Variants in NXPH2 observed in about 807,000 individuals in gnomAD.
The protein encoded by NXPH2 is neurexophilin 2, also known as neurexophilin-2.
A neutral mutation model predicts 19.8 loss-of-function variants in NXPH2; 5 were observed. The ratio of observed to expected loss-of-function variants is 0.25; its 90% CI spans 0.13 to 0.53. The LOEUF (loss-of-function observed/expected upper bound fraction) is 0.53. Ranked by LOEUF, NXPH2 falls within the 20% of genes least tolerant of loss-of-function variation. The pLI is 0.96. For missense variants in NXPH2, 289 were observed against 322.8 expected (o/e 0.90, Z 0.80); for synonymous variants, 154 against 127.4 (o/e 1.21, Z -1.41).
At chr2:138,687,170 C>G (rs1680671286) in intron 1 of NXPH2, among the ~76,000 whole-genome samples, 1 of 152,218 alleles carries the variant, frequency 6.6e-6, no homozygotes, top group Non-Finnish European at 1.5e-5. Flanking sequence ...GTCCCACCAA[C>G]AGTGTAAAAA....
chr2:138,743,220 T>G (rs918677405), intron 1 of NXPH2, among the ~76,000 whole-genome samples: 18 of 152,250 alleles, frequency 1.2e-4, no homozygotes, highest in Middle Eastern at 3.4e-3. Flanking sequence ...ACAAGTTATC[T>G]CTGGAAGTCA....
Position 138,780,310 on chromosome 2 carries a change from G to A in NXPH2, c.-69C>T, listed in dbSNP as rs887216148. ...TGCCTCTCGCGCATCTCCACTTCGC[G>A]GGGCAGGACTGAGGACGCCAGGGAC... On this transcript the variant is annotated 5_prime_UTR_variant, in exon 1 of 2. Coordinates refer to ENST00000272641, the MANE Select transcript of NXPH2 (RefSeq NM_007226.3). 14 of 1,302,492 alleles carry A rather than the reference G, an allele frequency of 1.1e-5. No individual in the cohort carries two copies. Among genetic ancestry groups the A allele is most frequent in the African/African-American group, 1.6e-5 (1 of 63,656 alleles). 80.7% of individuals were successfully genotyped at this position (1,302,492 alleles called of 1,614,324 possible).
At chr2:138,752,238 T>C (rs920743184) in intron 1 of NXPH2, among the ~76,000 whole-genome samples, 4 of 152,224 alleles carry the variant, frequency 2.6e-5, no homozygotes, top group Non-Finnish European at 2.9e-5. Flanking sequence ...TCCTTATCCC[T>C]AGATTGAAAG....
At chr2:138,779,773 C>A (rs1573988379) in intron 1 of NXPH2, among the ~76,000 whole-genome samples, 1 of 152,308 alleles carries the variant, frequency 6.6e-6, no homozygotes, top group East Asian at 1.9e-4. Context: ...CTGTGTGCAT[C>A]TGGGCAAAAC....
chr2:138,688,269 C>T lies in NXPH2; in HGVS notation c.52-16604G>A, dbSNP rs1052766371. 7.9e-5 allele frequency among the ~76,000 whole-genome samples: 12 copies of T among 152,144 alleles called. 1 individual carries two copies. The highest frequency in any genetic ancestry group is 1.5e-4 in the Non-Finnish European group (10 of 68,024). ...CACAATCTCAGGTCACTGCAACCTCCGCCTTCCGGGTTCAAGCCATTCTCC... is the reference window on the plus strand; with the variant it reads ...CACAATCTCAGGTCACTGCAACCTCTGCCTTCCGGGTTCAAGCCATTCTCC... On this transcript the variant is annotated intron_variant, in intron 1 of 1. Transcript: ENST00000272641.
rs144722479 is a variant in NXPH2 at position 138,758,653 on chromosome 2, A to G, written c.51+21538T>C. ...TTAGTTTGTCAAGTTATATGCTTGC[A>G]TTTGCAAATTTCCAGCTCTCAAAAT... is the stretch of plus-strand genomic sequence containing the variant. On this transcript the variant is annotated intron_variant, in intron 1 of 1. Transcript: ENST00000272641. Among the ~76,000 whole-genome samples, 710 of 152,294 alleles carry G rather than the reference A, an allele frequency of 4.7e-3. 19 individuals carry two copies. The highest frequency in any genetic ancestry group is 0.032 in the Admixed American group (484 of 15,290).
In NXPH2 at chr2:138,669,597, G is replaced by T. The variant is rs1052611579; in HGVS notation, c.*1325C>A. Among the ~76,000 whole-genome samples the T allele has an allele frequency of 1.3e-5, 2 of 152,120 alleles. No homozygotes were observed. Among genetic ancestry groups the T allele is most frequent in the African/African-American group, 4.8e-5 (2 of 41,412 alleles). On this transcript the variant is annotated 3_prime_UTR_variant, in exon 2 of 2. Coordinates refer to ENST00000272641, the MANE Select transcript of NXPH2 (RefSeq NM_007226.3). The stretch of plus-strand genomic sequence containing the variant: ...GTTTTACTTTAATTAATATTTTACA[G>T]ATAAGAAGGGAGAAAGAAGTTAACA...
Position 138,671,489 on chromosome 2 carries a change from G to A in NXPH2, c.228C>T (p.Ser76=). The change falls in exon 2 of 2, where the codon AGC becomes AGT. Residue 76 remains serine, a synonymous_variant. Coordinates refer to ENST00000272641, the MANE Select transcript of NXPH2 (RefSeq NM_007226.3). Reference sequence around the variant, plus strand: ...CCAGCCAATCCCAAAAGTTTTCCATGCTGTCTGCGTACGCCATGGGGCCGG... The same window carrying A: ...CCAGCCAATCCCAAAAGTTTTCCATACTGTCTGCGTACGCCATGGGGCCGG... ...PKPGPMAYAD[S]MENFWDWLAN... is the part of the protein sequence containing the mutation. 6.2e-7 allele frequency: 1 copy of A among 1,613,940 alleles called. No individual in the cohort carries two copies. The highest frequency in any genetic ancestry group is 8.5e-7 in the Non-Finnish European group (1 of 1,179,850).
At chr2:138,671,772 T>C in intron 1 of NXPH2, 107 bp from the exon 2 acceptor site, 2 of 1,163,582 alleles carry the variant, frequency 1.7e-6, no homozygotes, top group South Asian at 3.5e-5. Flanking sequence ...GTTTAGATTC[T>C]TGTTCGACAG....
intron 1 of NXPH2, among the ~76,000 whole-genome samples, chr2:138,682,086 T>A (rs1439690890): frequency 6.6e-6 from 1 of 152,138 alleles, no homozygotes; most frequent in East Asian, 1.9e-4. Flanking sequence ...GACAGTACTG[T>A]CCTATATCCT....
At chr2:138,697,868 T>G (rs1392475714) in intron 1 of NXPH2, among the ~76,000 whole-genome samples, 2 of 152,118 alleles carry the variant, frequency 1.3e-5, no homozygotes, top group Non-Finnish European at 2.9e-5. Flanking sequence ...CTTTTGTGAT[T>G]AACAAATTAG....
At chr2:138,677,745 G>A (rs946605017) in intron 1 of NXPH2, among the ~76,000 whole-genome samples, 5 of 152,138 alleles carry the variant, frequency 3.3e-5, no homozygotes, top group Admixed American at 2.6e-4. Flanking sequence ...AAACTAAAAA[G>A]CATCTTCCTC....
At position 138,780,284 on chromosome 2, in the gene NXPH2, C is replaced by T. The variant is rs1245577129; in HGVS notation, c.-43G>A. 2 of 1,396,892 alleles carry T rather than the reference C, an allele frequency of 1.4e-6. No individual in the cohort carries two copies. Among genetic ancestry groups the T allele is most frequent in the Non-Finnish European group, 1.8e-6 (2 of 1,083,552 alleles). 86.5% of individuals were successfully genotyped at this position (1,396,892 alleles called of 1,614,324 possible). A position where few individuals can be genotyped will look rare whatever the true frequency, so the allele number is the denominator to read the frequency against. On this transcript the variant is annotated 5_prime_UTR_variant, in exon 1 of 2. Coordinates refer to ENST00000272641, the MANE Select transcript of NXPH2 (RefSeq NM_007226.3). ...CTTTTCACGAGCTGCGCGCCCTCGC[C>T]TGCCTCTCGCGCATCTCCACTTCGC...
At chr2:138,772,404 C>A (rs1029071095) in intron 1 of NXPH2, among the ~76,000 whole-genome samples, 6 of 152,224 alleles carry the variant, frequency 3.9e-5, no homozygotes, top group African/African-American at 1.4e-4. Context: ...TCAAGCAATT[C>A]TCCTGCCTCA....
At chr2:138,754,800 C>T (rs1466014786) in intron 1 of NXPH2, among the ~76,000 whole-genome samples, 1 of 152,036 alleles carries the variant, frequency 6.6e-6, no homozygotes, top group Non-Finnish European at 1.5e-5. Context: ...AGCTACATCC[C>T]AAAATTGCAA....
intron 1 of NXPH2, among the ~76,000 whole-genome samples, chr2:138,734,191 G>A (rs562207012): frequency 3.5e-4 from 54 of 152,280 alleles, no homozygotes; most frequent in African/African-American, 1.2e-3. Context: ...GTTGCAGTGA[G>A]TCAAGATCCC....
At chr2:138,771,885 C>A (rs1200480247) in intron 1 of NXPH2, among the ~76,000 whole-genome samples, 1 of 151,968 alleles carries the variant, frequency 6.6e-6, no homozygotes, top group African/African-American at 2.4e-5. Context: ...GGTGGAGAAC[C>A]AATAACATCC....
At chr2:138,727,265 G>A (rs1681373593) in intron 1 of NXPH2, among the ~76,000 whole-genome samples, 2 of 152,156 alleles carry the variant, frequency 1.3e-5, no homozygotes, top group Non-Finnish European at 1.5e-5. Context: ...GTGCACATAA[G>A]TTTTCAACTT....
chr2:138,736,057 T>C (rs777786106), intron 1 of NXPH2, among the ~76,000 whole-genome samples: 2 of 152,232 alleles, frequency 1.3e-5, no homozygotes, highest in Non-Finnish European at 2.9e-5. Context: ...CCCTCCCAGC[T>C]GCTTTCACGG....
Sources: gnomAD v4.1 joint callset for allele counts (sites outside exome capture counted in the v4.1 genomes callset) on GRCh38, gnomAD v4.1.1 for gene constraint, MANE v1.5 for transcripts, NCBI Gene and HGNC (gene_info 2026-07-23, HGNC 2026-07-21) for gene names.